The following RDX variants were observed in gnomAD, a reference collection of about 807,000 sequenced individuals.
RDX encodes the protein radixin.
In RDX, 32 loss-of-function variants were observed where a neutral mutation model predicts 83.7. That is an observed-to-expected ratio of 0.38 (90% CI 0.29 to 0.51). The LOEUF (loss-of-function observed/expected upper bound fraction) is 0.51, where lower values mean the gene tolerates loss of function less well. RDX is among the 20% of genes least tolerant of loss of function. The pLI is 0.87. For synonymous variants in RDX, 229 were observed against 222.7 expected (o/e 1.03, Z -0.25); for missense variants, 600 against 689.9 (o/e 0.87, Z 1.46).
Position 110,188,820 on chromosome 11 carries a change from C to A in RDX, c.*31+10761G>T, listed in dbSNP as rs183701298. Among the ~76,000 whole-genome samples, 11 of 152,166 alleles carry A rather than the reference C, an allele frequency of 7.2e-5. No homozygotes were observed. In the South Asian group the frequency reaches 1.2e-3, roughly 17 times the overall value. ...ATCACTAAGAGAATTTTTTTACCAC[C>A]AGACCAGACTTATAAGAGATCCTTA... is the stretch of plus-strand genomic sequence containing the variant. On this transcript the variant is annotated intron_variant, in intron 15 of 15. Transcript: ENST00000528498.
rs191515544 is a variant in RDX, at chr11:110,284,614, G to T, written c.-64-4858C>A. ...CGGCTCACTGCAAGCTCTGCCTCCC[G>T]GATTTACACCATTCTCCTGCCTCAG... On this transcript the variant is annotated intron_variant, in intron 1 of 13. Coordinates refer to ENST00000645495, the MANE Select transcript of RDX (RefSeq NM_002906.4). Among the ~76,000 whole-genome samples the T allele has an allele frequency of 4.6e-5, 7 of 151,720 alleles. No homozygotes were observed. The East Asian group carries it at 1.4e-3, about 29-fold the overall frequency.
chr11:110,202,250 C>G (rs1863436997), intron 14 of RDX, among the ~76,000 whole-genome samples: 1 of 151,808 alleles, frequency 6.6e-6, no homozygotes, highest in Non-Finnish European at 1.5e-5. Context: ...CAAAAATTAC[C>G]CGAGCGTGGT....
intron 3 of RDX, among the ~76,000 whole-genome samples, chr11:110,269,822 G>C (rs1275087226): frequency 6.6e-6 from 1 of 152,106 alleles, no homozygotes; most frequent in Non-Finnish European, 1.5e-5. Flanking sequence ...CGGATCACTT[G>C]AGCTCAGAAG....
At chr11:110,287,666 A>G (rs1178623219) in intron 1 of RDX, among the ~76,000 whole-genome samples, 2 of 152,314 alleles carry the variant, frequency 1.3e-5, no homozygotes, top group East Asian at 3.9e-4. Context: ...AAATAAGGCC[A>G]AAAGCAAGAA....
chr11:110,272,959 C>T (rs1056532967), intron 2 of RDX: 5 of 459,192 alleles, frequency 1.1e-5, no homozygotes, highest in South Asian at 7.7e-5. Context: ...GGACATGGTG[C>T]CTCACATCTT....
At chr11:110,262,591 G>GA (rs5794681) in intron 5 of RDX, among the ~76,000 whole-genome samples, 8 of 146,260 alleles carry the variant, frequency 5.5e-5, no homozygotes, top group Non-Finnish European at 1.1e-4. Flanking sequence ...CCATCTCAAA[G>GA]AAAAAAAAAA....
intron 14 of RDX, among the ~76,000 whole-genome samples, chr11:110,218,957 C>T (rs1864153092): frequency 6.6e-6 from 1 of 152,100 alleles, no homozygotes; most frequent in East Asian, 1.9e-4. Flanking sequence ...CCAGTGTACA[C>T]AACAGTAAAA....
At chr11:110,233,524 AAT>A (rs767924708) in intron 12 of RDX, 45 bp from the exon 13 acceptor site, 1 of 1,601,962 alleles carries the variant, frequency 6.2e-7, no homozygotes, top group Non-Finnish European at 8.5e-7. Context: ...TTCAAAAATT[AAT>A]AATCAAAACA....
At chr11:110,224,324 A>G (rs1864362647) in intron 14 of RDX, among the ~76,000 whole-genome samples, 2 of 152,192 alleles carry the variant, frequency 1.3e-5, no homozygotes, top group South Asian at 4.1e-4. Flanking sequence ...AACTATTGTT[A>G]TAAGCATTAT....
At chr11:110,193,744 C>A (rs1485851197) in intron 15 of RDX, among the ~76,000 whole-genome samples, 1 of 152,120 alleles carries the variant, frequency 6.6e-6, no homozygotes, top group Non-Finnish European at 1.5e-5. Flanking sequence ...AGTGATGTGT[C>A]CAAATTCCAA....
chr11:110,254,566 C>T (rs780550433), intron 8 of RDX, among the ~76,000 whole-genome samples: 5 of 151,892 alleles, frequency 3.3e-5, no homozygotes, highest in African/African-American at 1.2e-4. Context: ...ACCTCTGCCT[C>T]CCGGGTTCAA....
intron 2 of RDX, among the ~76,000 whole-genome samples, chr11:110,276,711 A>G (rs907640752): frequency 6.6e-6 from 1 of 152,142 alleles, no homozygotes; most frequent in African/African-American, 2.4e-5. Flanking sequence ...AAATCAGTTT[A>G]CTCATTTGTT....
chr11:110,195,244 G>A (rs4754431), intron 15 of RDX, among the ~76,000 whole-genome samples: 61,577 of 151,932 alleles, frequency 0.41, 12,593 homozygotes, highest in East Asian at 0.6. Context: ...GATTACAGAC[G>A]TGAGCCACCG....
chr11:110,285,144 T>G (rs1285520409), intron 1 of RDX, among the ~76,000 whole-genome samples: 1 of 152,008 alleles, frequency 6.6e-6, no homozygotes, highest in Non-Finnish European at 1.5e-5. Context: ...ATCTCAGTAC[T>G]TTGGGAGGCC....
rs957028610 is a variant in RDX, at chr11:110,183,896, C to T, written c.*32-8662G>A. Among the ~76,000 whole-genome samples, 11 of 152,226 alleles carry T rather than the reference C, an allele frequency of 7.2e-5. No individual in the cohort carries two copies. The East Asian group carries it at 7.7e-4, about 11-fold the overall frequency. On this transcript the variant is annotated intron_variant, in intron 15 of 15. Coordinates refer to the RDX transcript ENST00000528498. ...ACCCTGGACTACAGGGCTCTGGCCACGCTGCTATCGATGCTTAGGACTAGG... is the reference window on the plus strand; with the variant it reads ...ACCCTGGACTACAGGGCTCTGGCCATGCTGCTATCGATGCTTAGGACTAGG...
In RDX at chr11:110,216,854, A is replaced by G. The variant is rs563120330; in HGVS notation, c.1748+15019T>C. ...ATAATCTGAAAGACTTCACATAAAAATTACATTTCAACTCAAATATAGTAT... is the reference window on the plus strand; with the variant it reads ...ATAATCTGAAAGACTTCACATAAAAGTTACATTTCAACTCAAATATAGTAT... On this transcript the variant is annotated intron_variant, in intron 14 of 15. Transcript: ENST00000528498. 1.9e-4 allele frequency among the ~76,000 whole-genome samples: 29 copies of G among 152,300 alleles called. No homozygotes were observed. The Middle Eastern group carries it at 0.017, about 89-fold the overall frequency.
intron 15 of RDX, among the ~76,000 whole-genome samples, chr11:110,193,655 A>G (rs1388857807): frequency 6.6e-6 from 1 of 152,204 alleles, no homozygotes; most frequent in East Asian, 1.9e-4. Context: ...AGACACTCTA[A>G]GAACAAAAAG....
intron 13 of RDX, among the ~76,000 whole-genome samples, chr11:110,232,611 T>C (rs1455060750): frequency 6.6e-6 from 1 of 152,154 alleles, no homozygotes; most frequent in Non-Finnish European, 1.5e-5. Context: ...TTCTTTCCAA[T>C]GTACATTTTA....
At chr11:110,248,194 A>C (rs915724441) in intron 9 of RDX, among the ~76,000 whole-genome samples, 1 of 152,242 alleles carries the variant, frequency 6.6e-6, no homozygotes, top group African/African-American at 2.4e-5. Context: ...GAACCCATTC[A>C]TGTAAACAAA....
Sources: allele counts gnomAD v4.1 joint callset (sites outside exome capture counted in the v4.1 genomes callset), GRCh38; gene constraint gnomAD v4.1.1; transcripts MANE v1.5; gene names NCBI Gene and HGNC (gene_info 2026-07-23, HGNC 2026-07-21).